The following PROM2 variants were observed in gnomAD, a reference collection of about 807,000 sequenced individuals.
The protein encoded by PROM2 is prominin-2.
A neutral mutation model predicts 110.2 loss-of-function variants in PROM2; 90 were observed. The ratio of observed to expected loss-of-function variants is 0.82; its 90% CI spans 0.69 to 0.97. PROM2 has a LOEUF of 0.97. Among genes scored for constraint, PROM2 ranks in the 50% least tolerant of loss-of-function variants. The pLI is 0.00. For synonymous variants in PROM2, 470 were observed against 467.8 expected (o/e 1.00, Z -0.06); for missense variants, 1,009 against 1,074.8 (o/e 0.94, Z 0.86).
At position 95,288,265 on chromosome 2, in the gene PROM2, C is replaced by T. The variant is rs200518776; in HGVS notation, c.2299C>T (p.Arg767Cys). 16 of 1,614,134 alleles carry T rather than the reference C, an allele frequency of 9.9e-6. No homozygotes were observed. Among genetic ancestry groups the T allele is most frequent in the East Asian group, 4.5e-5 (2 of 44,876 alleles). ...QPLSGALDNS[R>C]VILCDMMADP... The stretch of plus-strand genomic sequence containing the variant: ...CCTCTCCGGAGCCCTGGACAACAGC[C>T]GTGTGATCCTGTGTGACATGATGGC... Residue 767 changes from arginine (R) to cysteine (C), a missense_variant, in exon 21 of 24, where the codon CGT (arginine) becomes TGT (cysteine). By Grantham distance (180) the Arg-to-Cys change is radical (BLOSUM62 -3). Coordinates refer to ENST00000317620, the MANE Select transcript of PROM2 (RefSeq NM_001165978.3).
At chr2:95,288,664 A>G in intron 22 of PROM2, 75 bp downstream of exon 22, 3 of 1,308,982 alleles carry the variant, frequency 2.3e-6, no homozygotes, top group Non-Finnish European at 2.2e-6. Context: ...GTCCCCTGTC[A>G]CAGCCCCTCC....
chr2:95,285,296 A>T (rs1216648084), intron 15 of PROM2, among the ~76,000 whole-genome samples, 181 bp downstream of exon 15: 2 of 151,498 alleles, frequency 1.3e-5, no homozygotes, highest in Admixed American at 1.3e-4. Context: ...TCCTGCCACC[A>T]CCCCGGTCAC....
intron 9 of PROM2, 34 bp downstream of exon 9, chr2:95,278,818 C>A: frequency 6.2e-7 from 1 of 1,613,338 alleles, no homozygotes; most frequent in Non-Finnish European, 8.5e-7. Flanking sequence ...AGCTGCCAGG[C>A]ATGGCTTCCC....
At chr2:95,278,831 C>T (rs1398600350) in intron 9 of PROM2, 47 bp downstream of exon 9, 2 of 1,611,686 alleles carry the variant, frequency 1.2e-6, no homozygotes, top group East Asian at 4.5e-5. Context: ...GGCTTCCCAC[C>T]CCACCCCTAC....
In PROM2 at chr2:95,276,837, G is replaced by A; in HGVS notation, c.683-135G>A. 5 of 1,109,136 alleles carry A rather than the reference G, an allele frequency of 4.5e-6. No individual in the cohort carries two copies. Among genetic ancestry groups the A allele is most frequent in the Non-Finnish European group, 6.6e-6 (5 of 760,852 alleles). The allele number at this position is 1,109,136 out of a possible 1,614,324, so 68.7% of individuals were successfully genotyped here. On this transcript the variant is annotated intron_variant, in intron 5 of 23. Transcript: ENST00000317620. This position sits in a 1 kb window ranked among gnomAD's most constrained non-coding sequence, Gnocchi z 4.6. ...CACTCAGCTGCTGGAGGAAGAAGCC[G>A]TGTCCCCGCTCCTTCACTCCCCTCC...
chr2:95,275,490 GCCT>G lies in PROM2; in HGVS notation c.277_279del (p.Ser93del). 1 of 1,613,872 alleles carries G rather than the reference GCCT, an allele frequency of 6.2e-7. No individual in the cohort carries two copies. The highest frequency in any genetic ancestry group is 2.2e-5 in the East Asian group (1 of 44,870). ...GGTAAAGGCCCTACTGAATGAGCTGGCCTCCGTGAAGGTGAATGAGGTGAGCAA... is the reference window on the plus strand; with the variant it reads ...GGTAAAGGCCCTACTGAATGAGCTGGCCGTGAAGGTGAATGAGGTGAGCAA... On this transcript the variant is annotated inframe_deletion, in exon 2 of 24. Transcript: ENST00000317620. The surrounding 1 kb of genome is among the most constrained non-coding windows in gnomAD (Gnocchi z 4.4).
intron 11 of PROM2, among the ~76,000 whole-genome samples, chr2:95,280,994 G>C (rs980873075): frequency 3.9e-5 from 6 of 152,170 alleles, no homozygotes; most frequent in Non-Finnish European, 8.8e-5. Flanking sequence ...TCTCCTCTAG[G>C]CTGCCAGGGC....
rs756429860 is a variant in PROM2 at position 95,282,098 on chromosome 2, G to A, written c.1644-44G>A. 24 of 1,323,034 alleles carry A rather than the reference G, an allele frequency of 1.8e-5. No individual in the cohort carries two copies. The Admixed American group carries it at 1.9e-4, about 10-fold the overall frequency. The allele number at this position is 1,323,034 out of a possible 1,614,324, so 82.0% of individuals were successfully genotyped here. A position where few individuals can be genotyped will look rare whatever the true frequency, so the allele number is the denominator to read the frequency against. Reference sequence around the variant, plus strand: ...TCCCTCAGGGGACATCAGCCCCCCCGCCACCCCCAAGGCTCATCGTCTGCA... The same window carrying A: ...TCCCTCAGGGGACATCAGCCCCCCCACCACCCCCAAGGCTCATCGTCTGCA... On this transcript the variant is annotated intron_variant, in intron 13 of 23. Coordinates refer to ENST00000317620, the MANE Select transcript of PROM2 (RefSeq NM_001165978.3).
chr2:95,274,727 C>T lies in PROM2; in HGVS notation c.142C>T (p.Arg48Trp), dbSNP rs138718796. ...GACATTCACCCCAGCAGCCAGGGCC[C>T]GGTGGCTGGCCCCTCGAGTTCGTGC... ...HLTFTPAARA[R>W]WLAPRVRAPG... The change falls in exon 1 of 24, where the codon CGG (arginine) becomes TGG (tryptophan). Residue 48 changes from arginine to tryptophan, a missense_variant. Transcript: ENST00000317620. 3.2e-5 allele frequency: 52 copies of T among 1,612,318 alleles called. No homozygotes were observed. The highest frequency in any genetic ancestry group is 2.9e-4 in the East Asian group (13 of 44,836).
In PROM2 at chr2:95,278,753, G is replaced by T; in HGVS notation, c.1083G>T (p.Leu361=). The change falls in exon 9 of 24, where the codon CTG becomes CTT. Residue 361 remains leucine, a synonymous_variant. Coordinates refer to ENST00000317620, the MANE Select transcript of PROM2 (RefSeq NM_001165978.3). ...GCACCTTCAACGCCCTTCCAGCCCTGGCTGCCATGCAGACATCCAGCGTGG... is the reference window on the plus strand; with the variant it reads ...GCACCTTCAACGCCCTTCCAGCCCTTGCTGCCATGCAGACATCCAGCGTGG... ...ENSTFNALPA[L]AAMQTSSVVQ... The T allele has an allele frequency of 1.9e-6, 3 of 1,614,058 alleles. No homozygotes were observed. The highest frequency in any genetic ancestry group is 2.5e-6 in the Non-Finnish European group (3 of 1,180,032).
Position 95,290,308 on chromosome 2 carries a change from C to T in PROM2, c.*1095C>T, listed in dbSNP as rs981391401. ...GACCTCAGATCCATTAAAGTGTTCT[C>T]ACTTCCCTGAGACTTGGTTCTGGGT... On this transcript the variant is annotated 3_prime_UTR_variant, in exon 24 of 24. Coordinates refer to ENST00000317620, the MANE Select transcript of PROM2 (RefSeq NM_001165978.3). 11 of 152,276 alleles carry T rather than the reference C, an allele frequency of 7.2e-5. No homozygotes were observed. The highest frequency in any genetic ancestry group is 2.7e-4 in the African/African-American group (11 of 41,454). 9.4% of individuals were successfully genotyped at this position (152,276 alleles called of 1,614,324 possible).
chr2:95,287,470 T>G lies in PROM2; in HGVS notation c.2244+6T>G. 1 of 1,613,080 alleles carries G rather than the reference T, an allele frequency of 6.2e-7. No homozygotes were observed. Among genetic ancestry groups the G allele is most frequent in the African/African-American group, 1.3e-5 (1 of 74,908 alleles). On this transcript the variant is annotated splice_donor_region_variant and intron_variant, in intron 20 of 23. Transcript: ENST00000317620. ...TGGCCTGGGTGAGAGAGGAGGTGAG[T>G]GGGGCCTCAGAAGCAATGACTGATT...
At position 95,277,312 on chromosome 2, in the gene PROM2, G is replaced by C. The variant is rs1020197447; in HGVS notation, c.773-52G>C. 10 of 1,543,712 alleles carry C rather than the reference G, an allele frequency of 6.5e-6. No individual in the cohort carries two copies. The East Asian group carries it at 1.1e-4, about 17-fold the overall frequency. ...AGGGGAGTTCTGCCTCCTGCAAGGC[G>C]TCTGGGGATGCATATGGTGGACCCT... is the stretch of plus-strand genomic sequence containing the variant. On this transcript the variant is annotated intron_variant, in intron 6 of 23. Transcript: ENST00000317620.
In PROM2 at chr2:95,276,669, G is replaced by T; in HGVS notation, c.682+12G>T. The T allele has an allele frequency of 6.2e-7, 1 of 1,612,480 alleles. No individual in the cohort carries two copies. Among genetic ancestry groups the T allele is most frequent in the Non-Finnish European group, 8.5e-7 (1 of 1,179,948 alleles). ...AGAGGAGCTGGATGGTGAGGGTCTC[G>T]GGGACTGGCAGGTGGGCTGGCTCCT... On this transcript the variant is annotated intron_variant, in intron 5 of 23. Coordinates refer to ENST00000317620, the MANE Select transcript of PROM2 (RefSeq NM_001165978.3). The surrounding 1 kb of genome is among the most constrained non-coding windows in gnomAD (Gnocchi z 4.6).
chr2:95,282,242 G>A lies in PROM2; in HGVS notation c.1728+16G>A. 6.2e-7 allele frequency: 1 copy of A among 1,604,700 alleles called. No individual in the cohort carries two copies. The highest frequency in any genetic ancestry group is 8.5e-7 in the Non-Finnish European group (1 of 1,174,082). On this transcript the variant is annotated intron_variant, in intron 14 of 23. Transcript: ENST00000317620. ...TATCAACCAGGTGAGAGAACGTTTT[G>A]GAAACTGTGAGGAGCCCTCCTCAGA...
Position 95,276,768 on chromosome 2 carries a change from G to A in PROM2, c.682+111G>A. 7.8e-7 allele frequency: 1 copy of A among 1,284,222 alleles called. No individual in the cohort carries two copies. 79.6% of individuals were successfully genotyped at this position (1,284,222 alleles called of 1,614,324 possible). ...TTCTGGACACCCCCGGGAACAGGCT[G>A]GTAGAGGTGGGGATCAGGCCGGCTG... On this transcript the variant is annotated intron_variant, in intron 5 of 23. Coordinates refer to ENST00000317620, the MANE Select transcript of PROM2 (RefSeq NM_001165978.3). The surrounding 1 kb of genome is among the most constrained non-coding windows in gnomAD (Gnocchi z 4.6).
At chr2:95,281,413 G>GC (rs1677038241) in intron 12 of PROM2, 48 bp downstream of exon 12, 3 of 1,584,598 alleles carry the variant, frequency 1.9e-6, no homozygotes, top group African/African-American at 1.3e-5. Context: ...GAGGTGGGGG[G>GC]CGGTATCAGC....
chr2:95,279,749 G>T (rs1676930730), intron 10 of PROM2, 96 bp from the exon 11 acceptor site: 1 of 1,041,038 alleles, frequency 9.6e-7, no homozygotes. Flanking sequence ...CCAGCCTTGG[G>T]GTTAGAGGCC....
In PROM2 at chr2:95,277,567, G is replaced by A. The variant is rs1025860191; in HGVS notation, c.975+1G>A. The A allele has an allele frequency of 5.1e-6, 8 of 1,565,352 alleles. No homozygotes were observed. Among genetic ancestry groups the A allele is most frequent in the East Asian group, 4.5e-5 (2 of 44,386 alleles). On this transcript the variant is annotated splice_donor_variant, in intron 7 of 23. Coordinates refer to ENST00000317620, the MANE Select transcript of PROM2 (RefSeq NM_001165978.3). LOFTEE classifies it high-confidence loss of function. ...GGAGCTGGGTGCTGACTTCAGCCAG[G>A]TGCAGACCCAGGACAGAGTCCTCTT...
Sources: allele counts gnomAD v4.1 joint callset (sites outside exome capture counted in the v4.1 genomes callset), GRCh38; gene constraint gnomAD v4.1.1; non-coding constraint Gnocchi (gnomAD v3.1); transcripts MANE v1.5; gene names NCBI Gene and HGNC (gene_info 2026-07-23, HGNC 2026-07-21).